SPON1: variants seen among roughly 807,000 people sequenced by gnomAD.
The protein encoded by SPON1 is spondin 1.
In SPON1, 52 loss-of-function variants were observed where a neutral mutation model predicts 111.7. That is an observed-to-expected ratio of 0.47 (90% CI 0.37 to 0.59). The LOEUF (loss-of-function observed/expected upper bound fraction) is 0.59. Among genes scored for constraint, SPON1 ranks in the 20% least tolerant of loss-of-function variants. The pLI is 0.00. For synonymous variants in SPON1, 410 were observed against 395.8 expected (o/e 1.04, Z -0.43); for missense variants, 957 against 1,068.5 (o/e 0.90, Z 1.46).
At chr11:14,133,655 A>G (rs1427984894) in intron 5 of SPON1, among the ~76,000 whole-genome samples, 1 of 152,180 alleles carries the variant, frequency 6.6e-6, no homozygotes. Flanking sequence ...CCACATCACG[A>G]ACCTAAGGCC....
rs1404554321 is a variant in SPON1, at chr11:14,135,758, G to A, written c.825+190G>A. Reference sequence around the variant, plus strand: ...AATATCCATTTTGTTGTCTCAGATTGTCCCTGACTGCATTCATGTTTTCTT... The same window carrying A: ...AATATCCATTTTGTTGTCTCAGATTATCCCTGACTGCATTCATGTTTTCTT... On this transcript the variant is annotated intron_variant, in intron 6 of 15. Coordinates refer to ENST00000576479, the MANE Select transcript of SPON1 (RefSeq NM_006108.4). The surrounding 1 kb of genome is among the most constrained non-coding windows in gnomAD (Gnocchi z 4.4). Among the ~76,000 whole-genome samples the A allele has an allele frequency of 1.3e-5, 2 of 152,182 alleles. No individual in the cohort carries two copies. Among genetic ancestry groups the A allele is most frequent in the Non-Finnish European group, 2.9e-5 (2 of 68,026 alleles).
chr11:14,252,788 T>C (rs1019116204), intron 7 of SPON1, among the ~76,000 whole-genome samples: 7 of 152,254 alleles, frequency 4.6e-5, no homozygotes, highest in Non-Finnish European at 1.5e-5. Flanking sequence ...GACCTGAGGC[T>C]TGAAAGATGA....
At chr11:14,118,060 G>A (rs966094002) in intron 5 of SPON1, among the ~76,000 whole-genome samples, 2 of 152,186 alleles carry the variant, frequency 1.3e-5, no homozygotes, top group Non-Finnish European at 2.9e-5. Context: ...AGCCATCAGA[G>A]TTAAGATTGA....
rs554465757 is a variant in SPON1, at chr11:14,241,307, AG to A, written c.826-2023del. Among the ~76,000 whole-genome samples, 17 of 152,346 alleles carry A rather than the reference AG, an allele frequency of 1.1e-4. No homozygotes were observed. The South Asian group carries it at 3.5e-3, about 32-fold the overall frequency. On this transcript the variant is annotated intron_variant, in intron 6 of 15. Coordinates refer to ENST00000576479, the MANE Select transcript of SPON1 (RefSeq NM_006108.4). Reference sequence around the variant, plus strand: ...AAAAGTGGAGCAGAACTAGATGATGAGGACCCCATAAGCAAAACTCAGGAAG... The same window carrying A: ...AAAAGTGGAGCAGAACTAGATGATGAGACCCCATAAGCAAAACTCAGGAAG...
intron 5 of SPON1, among the ~76,000 whole-genome samples, chr11:14,126,115 C>T (rs1847456946): frequency 6.6e-6 from 1 of 152,170 alleles, no homozygotes. Flanking sequence ...CTAGATAGGG[C>T]CCACCCACAA....
intron 6 of SPON1, among the ~76,000 whole-genome samples, chr11:14,167,116 T>C (rs1171330884): frequency 6.6e-6 from 1 of 152,100 alleles, no homozygotes; most frequent in Non-Finnish European, 1.5e-5. Context: ...CATATACCAA[T>C]AACACATTTA....
At chr11:14,231,970 G>A (rs1048902679) in intron 6 of SPON1, among the ~76,000 whole-genome samples, 17 of 125,228 alleles carry the variant, frequency 1.4e-4, no homozygotes, top group Admixed American at 1.0e-3. Flanking sequence ...CTCCTCCTAC[G>A]CCGTGTGTGT....
intron 1 of SPON1, among the ~76,000 whole-genome samples, chr11:13,967,274 A>T (rs1366481190): frequency 6.6e-6 from 1 of 152,246 alleles, no homozygotes; most frequent in African/African-American, 2.4e-5. Context: ...CTGGATGGTG[A>T]GCCTTCCTTC....
At position 14,226,107 on chromosome 11, in the gene SPON1, T is replaced by A. The variant is rs539602361; in HGVS notation, c.826-17225T>A. On this transcript the variant is annotated intron_variant, in intron 6 of 15. Transcript: ENST00000576479. Reference sequence around the variant, plus strand: ...TCTTTACAACTCTAAGTGTTTGAGTTCACTTTAGTCCATTTTAGAGATGAA... The same window carrying A: ...TCTTTACAACTCTAAGTGTTTGAGTACACTTTAGTCCATTTTAGAGATGAA... Among the ~76,000 whole-genome samples the A allele has an allele frequency of 2.1e-4, 32 of 152,318 alleles. No individual in the cohort carries two copies. The South Asian group carries it at 6.4e-3, about 31-fold the overall frequency.
chr11:14,053,709 A>C (rs1202726638), intron 3 of SPON1, among the ~76,000 whole-genome samples: 1 of 152,228 alleles, frequency 6.6e-6, no homozygotes, highest in Non-Finnish European at 1.5e-5. Context: ...ATCCATAGGA[A>C]GGACAGTAAT....
At chr11:14,143,812 G>A (rs1440875443) in intron 6 of SPON1, among the ~76,000 whole-genome samples, 2 of 152,266 alleles carry the variant, frequency 1.3e-5, no homozygotes, top group African/African-American at 2.4e-5. Context: ...ACAAAATGCT[G>A]GGTCTAGAGT....
intron 1 of SPON1, among the ~76,000 whole-genome samples, chr11:13,974,258 C>A (rs531168448): frequency 6.6e-6 from 1 of 152,132 alleles, no homozygotes; most frequent in Non-Finnish European, 1.5e-5. Context: ...GAAGCTGACG[C>A]GCATTGTGGT....
chr11:14,128,142 AC>A (rs1280547535), intron 5 of SPON1, among the ~76,000 whole-genome samples: 1 of 152,102 alleles, frequency 6.6e-6, no homozygotes, highest in African/African-American at 2.4e-5. Flanking sequence ...ATTTCAAAAC[AC>A]AATCATGCCT....
chr11:14,073,986 C>G (rs1283657827), intron 3 of SPON1, among the ~76,000 whole-genome samples: 3 of 152,190 alleles, frequency 2.0e-5, no homozygotes, highest in African/African-American at 4.8e-5. Context: ...TTCCCCTCCA[C>G]AGAGGTCCTG....
intron 5 of SPON1, among the ~76,000 whole-genome samples, chr11:14,124,202 A>G (rs1564910186): frequency 6.6e-6 from 1 of 152,064 alleles, no homozygotes; most frequent in Non-Finnish European, 1.5e-5. Flanking sequence ...ACACACACAC[A>G]CGCACACACT....
intron 2 of SPON1, among the ~76,000 whole-genome samples, chr11:14,002,026 A>G (rs1173873931): frequency 6.6e-6 from 1 of 152,222 alleles, no homozygotes; most frequent in East Asian, 1.9e-4. Context: ...GGACTTAGTC[A>G]TGATCAGGCA....
At chr11:13,989,032 G>A (rs1554910788) in intron 2 of SPON1, among the ~76,000 whole-genome samples, 1 of 152,122 alleles carries the variant, frequency 6.6e-6, no homozygotes, top group African/African-American at 2.4e-5. Flanking sequence ...GTCTCTGTGA[G>A]GTTTTGGTAT....
At chr11:14,208,728 T>C (rs542742879) in intron 6 of SPON1, among the ~76,000 whole-genome samples, 2 of 152,232 alleles carry the variant, frequency 1.3e-5, no homozygotes, top group Non-Finnish European at 2.9e-5. Context: ...TATTATTAAA[T>C]AACTTCTCCT....
intron 6 of SPON1, among the ~76,000 whole-genome samples, chr11:14,195,301 A>G (rs1204118825): frequency 6.6e-6 from 1 of 152,258 alleles, no homozygotes; most frequent in African/African-American, 2.4e-5. Flanking sequence ...ATAAGCTCAA[A>G]GATACCTTGC....
Sources: gnomAD v4.1 joint callset for allele counts (sites outside exome capture counted in the v4.1 genomes callset) on GRCh38, gnomAD v4.1.1 for gene constraint, Gnocchi (gnomAD v3.1) non-coding constraint, MANE v1.5 for transcripts, NCBI Gene and HGNC (gene_info 2026-07-23, HGNC 2026-07-21) for gene names.